Variants in TBC1D22B observed in about 807,000 individuals in gnomAD.
TBC1D22B encodes the protein TBC1 domain family member 22B.
Under a neutral mutation model 69.1 loss-of-function variants are expected in TBC1D22B, and 32 were observed. That is an observed-to-expected ratio of 0.46 (90% CI 0.35 to 0.62). TBC1D22B has a LOEUF of 0.62. Ranked by LOEUF, TBC1D22B falls within the 20% of genes least tolerant of loss-of-function variation. The probability of loss-of-function intolerance (pLI) is 0.00; values close to 1 mark genes in which losing one functional copy is unlikely to be tolerated. For synonymous variants in TBC1D22B, 206 were observed against 229.8 expected (o/e 0.90, Z 0.94); for missense variants, 462 against 630.9 (o/e 0.73, Z 2.87).
chr6:37,258,617 T>A (rs1024588950), intron 1 of TBC1D22B, among the ~76,000 whole-genome samples: 1 of 152,232 alleles, frequency 6.6e-6, no homozygotes, highest in Non-Finnish European at 1.5e-5. Flanking sequence ...TCCCCTGCAT[T>A]GTAATGCACT....
At chr6:37,282,780 TG>T in intron 4 of TBC1D22B, 101 bp from the exon 5 acceptor site, 1 of 1,117,928 alleles carries the variant, frequency 8.9e-7, no homozygotes, top group Non-Finnish European at 1.4e-6. Flanking sequence ...GTGGTGGTGG[TG>T]GTCTTACATG....
At chr6:37,313,232 G>A (rs1055688729) in intron 9 of TBC1D22B, among the ~76,000 whole-genome samples, 3 of 152,218 alleles carry the variant, frequency 2.0e-5, no homozygotes, top group East Asian at 1.9e-4. Context: ...GCTCACGCCT[G>A]TAATCCCAAC....
At chr6:37,269,977 T>G (rs1173394552) in intron 2 of TBC1D22B, among the ~76,000 whole-genome samples, 1 of 152,220 alleles carries the variant, frequency 6.6e-6, no homozygotes, top group African/African-American at 2.4e-5. Flanking sequence ...CCTCCAGATC[T>G]TTTAGCAGGA....
chr6:37,265,965 A>G (rs1766258595), intron 1 of TBC1D22B, among the ~76,000 whole-genome samples: 1 of 152,212 alleles, frequency 6.6e-6, no homozygotes, highest in African/African-American at 2.4e-5. Context: ...GGATTAAATT[A>G]TAAAAATGGG....
chr6:37,324,148 C>T (rs887948982), intron 12 of TBC1D22B: 4 of 365,754 alleles, frequency 1.1e-5, no homozygotes, highest in Non-Finnish European at 1.6e-5. Context: ...TATACATTTG[C>T]AAAGAAAGTT....
chr6:37,267,342 TATATATATACACACATATATA>T (rs1361154033), intron 1 of TBC1D22B, among the ~76,000 whole-genome samples: 5,371 of 137,964 alleles, frequency 0.039, 407 homozygotes, highest in African/African-American at 0.13. Context: ...ACATATATAA[TATATATATACACACATATATA>T]ATATATATAC....
At chr6:37,289,277 T>G (rs1014769739) in intron 7 of TBC1D22B, among the ~76,000 whole-genome samples, 1 of 152,186 alleles carries the variant, frequency 6.6e-6, no homozygotes, top group African/African-American at 2.4e-5. Context: ...TGAAAGATAC[T>G]TGATAATTGC....
At chr6:37,321,900 G>A (rs912468094) in intron 12 of TBC1D22B, among the ~76,000 whole-genome samples, 1 of 152,154 alleles carries the variant, frequency 6.6e-6, no homozygotes, top group Admixed American at 6.5e-5. Flanking sequence ...AATTGGGTGT[G>A]TACTTATGTA....
Position 37,257,868 on chromosome 6 carries a change from C to A in TBC1D22B, c.-50C>A, listed in dbSNP as rs369150865. On this transcript the variant is annotated 5_prime_UTR_variant, in exon 1 of 13. Transcript: ENST00000373491. ...CAGATTGCGGGGTCTGGGGGCATCT[C>A]GCCGGGCAAACCCTTGGCCCGCCTA... The A allele has an allele frequency of 6.3e-7, 1 of 1,595,042 alleles. No homozygotes were observed. The highest frequency in any genetic ancestry group is 8.5e-7 in the Non-Finnish European group (1 of 1,170,060).
In TBC1D22B at chr6:37,282,290, C is replaced by T. The variant is rs1583541599; in HGVS notation, c.527C>T (p.Pro176Leu). 1.9e-6 allele frequency: 3 copies of T among 1,614,144 alleles called. No individual in the cohort carries two copies. Among genetic ancestry groups the T allele is most frequent in the South Asian group, 1.1e-5 (1 of 91,058 alleles). The change falls in exon 4 of 13, where the codon CCC (proline) becomes CTC (leucine). Residue 176 changes from proline to leucine, a missense_variant. Coordinates refer to ENST00000373491, the MANE Select transcript of TBC1D22B (RefSeq NM_017772.4). ...TCGGATCAGAACGCTTCTGGGGCCCCCCCAATGACTGTCCGGGAGAAAACC... is the reference window on the plus strand; with the variant it reads ...TCGGATCAGAACGCTTCTGGGGCCCTCCCAATGACTGTCCGGGAGAAAACC... ...RISDQNASGAPPMTVREKTRL... is the reference protein window; with the variant it reads ...RISDQNASGALPMTVREKTRL...
chr6:37,263,157 G>C (rs1298653986), intron 1 of TBC1D22B, among the ~76,000 whole-genome samples: 6 of 152,182 alleles, frequency 3.9e-5, no homozygotes, highest in African/African-American at 1.4e-4. Context: ...TGCTCTGCCA[G>C]GTGGCAAGGG....
At chr6:37,325,571 A>C (rs1768369525) in intron 12 of TBC1D22B, among the ~76,000 whole-genome samples, 1 of 75,640 alleles carries the variant, frequency 1.3e-5, no homozygotes, top group South Asian at 4.7e-4. Context: ...TTTTTTTGAG[A>C]TGGAGTCTCA....
At chr6:37,272,147 C>T (rs1266169294) in intron 2 of TBC1D22B, among the ~76,000 whole-genome samples, 1 of 152,170 alleles carries the variant, frequency 6.6e-6, no homozygotes, top group East Asian at 1.9e-4. Context: ...TCACTGCAGC[C>T]TCCGCCTCCT....
chr6:37,267,315 T>C (rs1400530329), intron 1 of TBC1D22B, among the ~76,000 whole-genome samples: 1 of 141,260 alleles, frequency 7.1e-6, no homozygotes, highest in Non-Finnish European at 1.5e-5. Flanking sequence ...TACATATATA[T>C]ATATATATAC....
intron 8 of TBC1D22B, among the ~76,000 whole-genome samples, chr6:37,311,875 G>T (rs1325880836): frequency 1.3e-5 from 2 of 152,172 alleles, no homozygotes; most frequent in Non-Finnish European, 2.9e-5. Flanking sequence ...ATACACAGGG[G>T]CCTTTCTTGT....
At chr6:37,292,551 A>G (rs1470382564) in intron 8 of TBC1D22B, among the ~76,000 whole-genome samples, 1 of 152,156 alleles carries the variant, frequency 6.6e-6, no homozygotes, top group Non-Finnish European at 1.5e-5. Flanking sequence ...TTTTATCAAG[A>G]GAGCATTTCA....
At chr6:37,278,173 A>T (rs1766722632) in intron 2 of TBC1D22B, among the ~76,000 whole-genome samples, 1 of 152,120 alleles carries the variant, frequency 6.6e-6, no homozygotes. Context: ...GAAAAACCAA[A>T]CAATCTTATT....
intron 12 of TBC1D22B, chr6:37,324,407 G>A (rs1271749588): frequency 2.2e-6 from 1 of 455,790 alleles, no homozygotes; most frequent in Admixed American, 2.4e-5. Flanking sequence ...ATCTACAGCA[G>A]GTTCAAATCT....
chr6:37,327,061 G>A (rs1768426633), intron 12 of TBC1D22B, among the ~76,000 whole-genome samples: 1 of 152,148 alleles, frequency 6.6e-6, no homozygotes, highest in Admixed American at 6.5e-5. Flanking sequence ...GTGGGATAGG[G>A]ACATGGTGCG....
Sources: allele counts gnomAD v4.1 joint callset (sites outside exome capture counted in the v4.1 genomes callset), GRCh38; gene constraint gnomAD v4.1.1; transcripts MANE v1.5; gene names NCBI Gene and HGNC (gene_info 2026-07-23, HGNC 2026-07-21).